Variants in SLC38A6 observed in about 807,000 individuals in gnomAD.
The protein encoded by SLC38A6 is solute carrier family 38 member 6.
SLC38A6 carries 73 observed loss-of-function variants against 65.0 expected under a neutral mutation model. The ratio of observed to expected loss-of-function variants is 1.12; its 90% confidence interval spans 0.93 to 1.37. The LOEUF (loss-of-function observed/expected upper bound fraction) is 1.37, where lower values mean the gene tolerates loss of function less well. Ranked by LOEUF, SLC38A6 falls within the 40% of genes most tolerant of loss-of-function variation. The pLI is 0.00. For missense variants in SLC38A6, 561 were observed against 531.1 expected, an observed-to-expected ratio of 1.06 and a Z score of -0.55; for synonymous variants, 183 against 178.8, an observed-to-expected ratio of 1.02 and a Z score of -0.19.
chr14:61,047,673 A>G (rs139001848), intron 12 of SLC38A6, among the ~76,000 whole-genome samples: 2 of 152,228 alleles, frequency 1.3e-5, no homozygotes, highest in East Asian at 1.9e-4. Flanking sequence ...GTATGTATCT[A>G]TGTATAATCT....
intron 2 of SLC38A6, 125 bp from the exon 3 acceptor site, chr14:60,984,605 A>T (rs2037315204): frequency 3.1e-6 from 2 of 654,018 alleles, no homozygotes; most frequent in Admixed American, 4.6e-5. Context: ...TAATGAACAT[A>T]ATTCTGCTAC....
intron 15 of SLC38A6, among the ~76,000 whole-genome samples, chr14:61,067,362 A>T (rs990938106): frequency 6.6e-6 from 1 of 152,182 alleles, no homozygotes; most frequent in Non-Finnish European, 1.5e-5. Context: ...CTCAAATCAC[A>T]TAACTTCCAA....
chr14:61,015,155 C>T (rs2039906541), intron 3 of SLC38A6, among the ~76,000 whole-genome samples: 2 of 152,210 alleles, frequency 1.3e-5, no homozygotes, highest in South Asian at 4.2e-4. Flanking sequence ...ATGAGCGAGG[C>T]TCCGTGGGCA....
chr14:61,005,804 A>G (rs1036896275), intron 3 of SLC38A6, among the ~76,000 whole-genome samples: 4 of 152,222 alleles, frequency 2.6e-5, no homozygotes, highest in Non-Finnish European at 5.9e-5. Context: ...GCTACCAATG[A>G]CTTTCTTCAC....
rs2039153227 is a variant in SLC38A6, at chr14:61,052,488, A to G, written c.*59A>G. On this transcript the variant is annotated 3_prime_UTR_variant, in exon 16 of 16. Coordinates refer to ENST00000267488, the MANE Select transcript of SLC38A6 (RefSeq NM_153811.3). ...ATACCCCTAGTTGCAAGAATGAATT[A>G]TTCCGGAAGACACCCTGGATGAAAA... The G allele has an allele frequency of 6.6e-7, 1 of 1,510,516 alleles. No homozygotes were observed. Among genetic ancestry groups the G allele is most frequent in the Non-Finnish European group, 8.8e-7 (1 of 1,137,652 alleles). 93.6% of individuals were successfully genotyped at this position (1,510,516 alleles called of 1,614,324 possible). A position where few individuals can be genotyped will look rare whatever the true frequency, so the allele number is the denominator to read the frequency against.
chr14:61,034,251 A>G (rs531826828), intron 6 of SLC38A6: 1 of 152,326 alleles, frequency 6.6e-6, no homozygotes, highest in Admixed American at 6.5e-5. Flanking sequence ...ATTCCTGTGC[A>G]AGAGAAAAGA....
intron 13 of SLC38A6, among the ~76,000 whole-genome samples, chr14:61,051,457 A>C (rs1024050604): frequency 6.6e-6 from 1 of 152,104 alleles, no homozygotes; most frequent in African/African-American, 2.4e-5. Context: ...CTGTTTTTTT[A>C]ATCTGTTGCA....
intron 3 of SLC38A6, among the ~76,000 whole-genome samples, chr14:61,015,640 A>G (rs1193025425): frequency 2.0e-5 from 3 of 152,224 alleles, no homozygotes; most frequent in African/African-American, 7.2e-5. Context: ...ATTGTGGCTT[A>G]TGTTTTGGGA....
At position 61,030,516 on chromosome 14, in the gene SLC38A6, T is replaced by C. The variant is rs144262088; in HGVS notation, c.475T>C (p.Tyr159His). 1.9e-6 allele frequency: 3 copies of C among 1,602,146 alleles called. No individual in the cohort carries two copies. The highest frequency in any genetic ancestry group is 2.7e-5 in the African/African-American group (2 of 74,506). Reference sequence around the variant, plus strand: ...TATTGCAGAATTTTTGACTGGAGACTATAGTAGGTAAGAAAAAGTATTTTA... The same window carrying C: ...TATTGCAGAATTTTTGACTGGAGACCATAGTAGGTAAGAAAAAGTATTTTA... ...AAIAEFLTGD[Y>H]SRYWYLDGQT... Residue 159 changes from tyrosine to histidine, a missense_variant, in exon 6 of 16, where the codon TAT becomes CAT. Physicochemically the swap from Tyr to His is moderately conservative, Grantham distance 83. Coordinates refer to ENST00000267488, the MANE Select transcript of SLC38A6 (RefSeq NM_153811.3).
chr14:61,048,018 CATACATACATAA>C (rs1343276305), intron 12 of SLC38A6: 255 of 274,394 alleles, frequency 9.3e-4, no homozygotes, highest in African/African-American at 5.3e-3. Context: ...TACATACATA[CATACATACATAA>C]ATAGAATAAA....
intron 6 of SLC38A6, among the ~76,000 whole-genome samples, chr14:61,032,440 T>A (rs1179377917): frequency 6.6e-6 from 1 of 151,914 alleles, no homozygotes; most frequent in Non-Finnish European, 1.5e-5. Flanking sequence ...CATTGTTGCA[T>A]TGATTTTTTT....
chr14:61,051,144 G>T (rs2042485205), intron 13 of SLC38A6, among the ~76,000 whole-genome samples: 1 of 152,168 alleles, frequency 6.6e-6, no homozygotes. Context: ...AGAATCTTAA[G>T]AATTTCTGAG....
intron 16 of SLC38A6, among the ~76,000 whole-genome samples, chr14:61,081,122 G>A (rs969672890): frequency 2.1e-4 from 23 of 111,810 alleles, no homozygotes; most frequent in African/African-American, 3.5e-4. Flanking sequence ...GGAGCCTTGG[G>A]ATGGAATTAG....
intron 5 of SLC38A6, among the ~76,000 whole-genome samples, chr14:61,026,329 C>CAAT (rs1002184490): frequency 4.6e-5 from 7 of 152,044 alleles, no homozygotes; most frequent in Non-Finnish European, 4.4e-5. Context: ...TTCAGAACTA[C>CAAT]AATCACAGCC....
At chr14:60,982,696 AG>A in intron 2 of SLC38A6, 58 bp downstream of exon 2, 1 of 1,529,750 alleles carries the variant, frequency 6.5e-7, no homozygotes, top group Non-Finnish European at 8.8e-7. Context: ...TATACGGAGA[AG>A]TAGAGAGATA....
chr14:61,009,112 T>C (rs1172274079), intron 3 of SLC38A6, among the ~76,000 whole-genome samples: 1 of 152,202 alleles, frequency 6.6e-6, no homozygotes, highest in Non-Finnish European at 1.5e-5. Flanking sequence ...AAATTTAGTC[T>C]GCCCATTCAA....
intron 3 of SLC38A6, chr14:60,987,397 T>A (rs1453256678): frequency 6.5e-6 from 1 of 152,988 alleles, no homozygotes; most frequent in Non-Finnish European, 1.5e-5. Flanking sequence ...AAGTAAAGGA[T>A]TTCTTCACAT....
At chr14:60,991,002 A>C (rs1440185408) in intron 3 of SLC38A6, among the ~76,000 whole-genome samples, 1 of 152,132 alleles carries the variant, frequency 6.6e-6, no homozygotes. Flanking sequence ...ATAATCTGAT[A>C]ATTTTCTCAT....
At chr14:61,081,065 A>C (rs1258434315) in intron 16 of SLC38A6, among the ~76,000 whole-genome samples, 2 of 151,892 alleles carry the variant, frequency 1.3e-5, no homozygotes, top group African/African-American at 4.8e-5. Flanking sequence ...CTGAATGGGA[A>C]GCCAGCAATG....
Sources: gnomAD v4.1 joint callset for allele counts (sites outside exome capture counted in the v4.1 genomes callset) on GRCh38, gnomAD v4.1.1 for gene constraint, MANE v1.5 for transcripts, NCBI Gene and HGNC (gene_info 2026-07-23, HGNC 2026-07-21) for gene names.